The following ZBTB16 variants were observed in gnomAD, a reference collection of about 807,000 sequenced individuals.
ZBTB16 encodes the protein zinc finger and BTB domain containing 16, also known as zinc finger and BTB domain-containing protein 16.
A neutral mutation model predicts 56.8 loss-of-function variants in ZBTB16; 8 were observed. That is an observed-to-expected ratio of 0.14 (90% CI 0.08 to 0.25). ZBTB16 has a LOEUF of 0.25. Among genes scored for constraint, ZBTB16 ranks in the 10% least tolerant of loss-of-function variants. The pLI is 1.00. For missense variants in ZBTB16, 625 were observed against 903.0 expected, an observed-to-expected ratio of 0.69 and a Z score of 3.95; for synonymous variants, 363 against 368.5, an observed-to-expected ratio of 0.98 and a Z score of 0.17.
chr11:114,139,664 T>TG (rs770452124), intron 2 of ZBTB16, among the ~76,000 whole-genome samples: 2 of 147,476 alleles, frequency 1.4e-5, no homozygotes, highest in Non-Finnish European at 3.0e-5. Flanking sequence ...TGTGTGTGTG[T>TG]AGTAGAGGAT....
intron 2 of ZBTB16, among the ~76,000 whole-genome samples, chr11:114,155,424 C>T (rs1373650362): frequency 1.3e-5 from 2 of 152,266 alleles, no homozygotes; most frequent in East Asian, 1.9e-4. Context: ...CGTGCTGGCT[C>T]GTGACTGAGC....
At position 114,143,319 on chromosome 11, in the gene ZBTB16, C is replaced by T. The variant is rs776762167; in HGVS notation, c.1269-13018C>T. 1.3e-5 allele frequency among the ~76,000 whole-genome samples: 2 copies of T among 152,156 alleles called. No individual in the cohort carries two copies. On this transcript the variant is annotated intron_variant, in intron 2 of 6. Transcript: ENST00000335953. The surrounding 1 kb of genome is among the most constrained non-coding windows in gnomAD (Gnocchi z 6.4). ...GATGAATGAGGCAAAGCCCTGTCTT[C>T]ATGTAGCTGCCCATCCAGCTGGAGA...
rs775531356 is a variant in ZBTB16, at chr11:114,174,545, G to A, written c.1367-12407G>A. ...AAAATACAACAATTAGCCGGGCGTGGTGGCATGAGCCTCCTAGCATCTCTC... is the reference window on the plus strand; with the variant it reads ...AAAATACAACAATTAGCCGGGCGTGATGGCATGAGCCTCCTAGCATCTCTC... On this transcript the variant is annotated intron_variant, in intron 3 of 6. Coordinates refer to ENST00000335953, the MANE Select transcript of ZBTB16 (RefSeq NM_006006.6). 5.9e-5 allele frequency among the ~76,000 whole-genome samples: 9 copies of A among 152,232 alleles called. No homozygotes were observed. In the South Asian group the frequency reaches 1.7e-3, roughly 28 times the overall value.
Position 114,252,766 on chromosome 11 carries a change from G to A in ZBTB16, c.*2211G>A, listed in dbSNP as rs1311345360. ...ATGTAGGGAAGCCGGAGGGATGGGT[G>A]CTGCTGCGACGACCCCCCCGTCCCT... is the stretch of plus-strand genomic sequence containing the variant. On this transcript the variant is annotated 3_prime_UTR_variant, in exon 7 of 7. Coordinates refer to ENST00000335953, the MANE Select transcript of ZBTB16 (RefSeq NM_006006.6). 3.3e-5 allele frequency among the ~76,000 whole-genome samples: 5 copies of A among 152,136 alleles called. No homozygotes were observed. The highest frequency in any genetic ancestry group is 1.2e-4 in the African/African-American group (5 of 41,418).
chr11:114,214,769 A>G (rs1012826578), intron 4 of ZBTB16, among the ~76,000 whole-genome samples: 1 of 152,134 alleles, frequency 6.6e-6, no homozygotes, highest in East Asian at 1.9e-4. Flanking sequence ...ACATCCGGCT[A>G]ATTTTTATAT....
chr11:114,153,174 G>A (rs555630754), intron 2 of ZBTB16, among the ~76,000 whole-genome samples: 2 of 152,332 alleles, frequency 1.3e-5, no homozygotes, highest in East Asian at 3.9e-4. Flanking sequence ...ATTAGGAGAA[G>A]CCTTCACTTT....
chr11:114,235,629 C>CCTTCCTTCCTTT (rs767837990), intron 4 of ZBTB16, among the ~76,000 whole-genome samples: 26 of 97,846 alleles, frequency 2.7e-4, no homozygotes, highest in East Asian at 1.8e-3. Flanking sequence ...CCTCTCCCTT[C>CCTTCCTTCCTTT]CTTTCTTTCT....
At position 114,255,586 on chromosome 11, in the gene ZBTB16, G is replaced by A. The variant is rs1944989017; in HGVS notation, c.*5031G>A. On this transcript the variant is annotated 3_prime_UTR_variant, in exon 7 of 7. Coordinates refer to ENST00000335953, the MANE Select transcript of ZBTB16 (RefSeq NM_006006.6). ...CCCACTTCCCCGAGTTGTGCTTGCC[G>A]CTCCTTATCTGTTCTAGTTCCGAAG... Among the ~76,000 whole-genome samples the A allele has an allele frequency of 6.6e-6, 1 of 151,234 alleles. No individual in the cohort carries two copies.
chr11:114,065,907 T>C (rs1939097602), intron 2 of ZBTB16, among the ~76,000 whole-genome samples: 1 of 152,188 alleles, frequency 6.6e-6, no homozygotes, highest in South Asian at 2.1e-4. Flanking sequence ...TGAAGATTGC[T>C]TATAGGAAGT....
At chr11:114,121,745 C>A in intron 2 of ZBTB16, 1 of 450,636 alleles carries the variant, frequency 2.2e-6, no homozygotes. Context: ...CAAATCCTTG[C>A]CCAGTATATT....
intron 4 of ZBTB16, among the ~76,000 whole-genome samples, chr11:114,235,718 TTTTCTTTC>T (rs151035342): frequency 6.6e-5 from 9 of 135,390 alleles, no homozygotes; most frequent in Non-Finnish European, 1.1e-4. Context: ...CTTTCTTTCT[TTTTCTTTC>T]TTTCTTTCTT....
At chr11:114,147,402 T>G (rs1446869169) in intron 2 of ZBTB16, among the ~76,000 whole-genome samples, 1 of 152,238 alleles carries the variant, frequency 6.6e-6, no homozygotes, top group African/African-American at 2.4e-5. Context: ...GAAAACTGTT[T>G]TCCCAGAAAT....
intron 2 of ZBTB16, among the ~76,000 whole-genome samples, chr11:114,130,873 A>G (rs529723169): frequency 3.3e-5 from 5 of 152,362 alleles, no homozygotes; most frequent in Admixed American, 2.6e-4. Flanking sequence ...ATGATAATTC[A>G]TTACATTTTC....
chr11:114,139,553 C>A (rs1247433750), intron 2 of ZBTB16, among the ~76,000 whole-genome samples: 1 of 151,712 alleles, frequency 6.6e-6, no homozygotes, highest in Non-Finnish European at 1.5e-5. Flanking sequence ...TTTCCTTCTC[C>A]CCCCCCAAAG....
chr11:114,252,019 C>T lies in ZBTB16; in HGVS notation c.*1464C>T, dbSNP rs1039408885. Among the ~76,000 whole-genome samples the T allele has an allele frequency of 4.6e-5, 7 of 152,240 alleles. No individual in the cohort carries two copies. The South Asian group carries it at 6.2e-4, about 14-fold the overall frequency. On this transcript the variant is annotated 3_prime_UTR_variant, in exon 7 of 7. Transcript: ENST00000335953. Reference sequence around the variant, plus strand: ...GACTTCAGCTGGTCAAGACCCTCCCCGTGCCCCTGGAGACCAGCCTCCCAG... The same window carrying T: ...GACTTCAGCTGGTCAAGACCCTCCCTGTGCCCCTGGAGACCAGCCTCCCAG...
At chr11:114,088,300 C>A (rs1940039002) in intron 2 of ZBTB16, among the ~76,000 whole-genome samples, 1 of 151,988 alleles carries the variant, frequency 6.6e-6, no homozygotes, top group Non-Finnish European at 1.5e-5. Context: ...CGCTACCATG[C>A]CTGGCTAATT....
At chr11:114,241,573 C>T (rs748505184) in intron 4 of ZBTB16, among the ~76,000 whole-genome samples, 4 of 152,320 alleles carry the variant, frequency 2.6e-5, no homozygotes, top group African/African-American at 4.8e-5. Flanking sequence ...CCCAACCATA[C>T]GTGGAAAAAT....
chr11:114,157,714 C>T (rs1223222750), intron 3 of ZBTB16, among the ~76,000 whole-genome samples: 1 of 151,418 alleles, frequency 6.6e-6, no homozygotes, highest in African/African-American at 2.5e-5. Context: ...TGTGGTCTCT[C>T]CCCCGGCCCT....
intron 4 of ZBTB16, among the ~76,000 whole-genome samples, chr11:114,222,509 G>C (rs900770355): frequency 5.9e-5 from 9 of 152,122 alleles, no homozygotes; most frequent in African/African-American, 1.9e-4. Flanking sequence ...CTTTGTCCGG[G>C]AGCTGGTAAA....
Sources: allele counts gnomAD v4.1 joint callset (sites outside exome capture counted in the v4.1 genomes callset), GRCh38; gene constraint gnomAD v4.1.1; non-coding constraint Gnocchi (gnomAD v3.1); transcripts MANE v1.5; gene names NCBI Gene and HGNC (gene_info 2026-07-23, HGNC 2026-07-21).